CDK12: variants seen among roughly 807,000 people sequenced by gnomAD.
The protein encoded by CDK12 is cyclin dependent kinase 12, also known as cyclin-dependent kinase 12.
A neutral mutation model predicts 133.8 loss-of-function variants in CDK12; 17 were observed. The observed-to-expected ratio is 0.13, with a 90% confidence interval of 0.09 to 0.19. The LOEUF (loss-of-function observed/expected upper bound fraction) is 0.19, where lower values mean the gene tolerates loss of function less well. Ranked by LOEUF, CDK12 falls within the 10% of genes least tolerant of loss-of-function variation. CDK12 has a pLI of 1.00. For synonymous variants in CDK12, 694 were observed against 683.6 expected (o/e 1.02, Z -0.24); for missense variants, 1,508 against 1,818.7 (o/e 0.83, Z 3.11).
rs543840788 is a variant in CDK12 at position 39,462,317 on chromosome 17, C to T, written c.246C>T (p.Thr82=). The change falls in exon 1 of 14, where the codon ACC becomes ACT. Residue 82 remains threonine, a synonymous_variant. Transcript: ENST00000447079. ...ATGATATCAGCTCTGATTCCGACACCTTCTCCGATGACATGGCCTTCAAAC... is the reference window on the plus strand; with the variant it reads ...ATGATATCAGCTCTGATTCCGACACTTTCTCCGATGACATGGCCTTCAAAC... ...EYDDISSDSD[T]FSDDMAFKLD... is the part of the protein sequence containing the mutation. 6.8e-6 allele frequency: 11 copies of T among 1,614,172 alleles called. No homozygotes were observed. The highest frequency in any genetic ancestry group is 2.2e-5 in the East Asian group (1 of 44,864).
At chr17:39,488,759 T>G (rs2051334178) in intron 2 of CDK12, among the ~76,000 whole-genome samples, 1 of 152,136 alleles carries the variant, frequency 6.6e-6, no homozygotes, top group South Asian at 2.1e-4. Flanking sequence ...TTTTAAATTT[T>G]TTATTTTTCG....
intron 3 of CDK12, among the ~76,000 whole-genome samples, chr17:39,562,084 C>T (rs1427194637): frequency 2.6e-5 from 4 of 152,116 alleles, no homozygotes; most frequent in East Asian, 3.9e-4. Context: ...GGATTACAGG[C>T]GCGCACCTCC....
At chr17:39,465,284 A>C (rs2049220806) in intron 1 of CDK12, among the ~76,000 whole-genome samples, 1 of 146,772 alleles carries the variant, frequency 6.8e-6, no homozygotes, top group African/African-American at 2.5e-5. Flanking sequence ...TGTATTTTGT[A>C]ATCTATCTAC....
chr17:39,501,233 T>G lies in CDK12; in HGVS notation c.2420-17T>G, dbSNP rs2052702165. On this transcript the variant is annotated splice_polypyrimidine_tract_variant and intron_variant, in intron 5 of 13. Coordinates refer to ENST00000447079, the MANE Select transcript of CDK12 (RefSeq NM_016507.4). ...TTTTTTTTTTCTTGCTTTTAATTTT[T>G]TTTCGTCTTTATGTAGGTGCCTTTT... The G allele has an allele frequency of 6.7e-7, 1 of 1,498,926 alleles. No homozygotes were observed. Among genetic ancestry groups the G allele is most frequent in the Non-Finnish European group, 8.9e-7 (1 of 1,122,026 alleles). 92.9% of individuals were successfully genotyped at this position (1,498,926 alleles called of 1,614,324 possible). A position where few individuals can be genotyped will look rare whatever the true frequency, so the allele number is the denominator to read the frequency against.
intron 9 of CDK12, 32 bp from the exon 10 acceptor site, chr17:39,517,408 C>T (rs754993457): frequency 4.1e-6 from 5 of 1,234,356 alleles, no homozygotes; most frequent in Middle Eastern, 1.9e-4. Flanking sequence ...GACTCACTCA[C>T]TCCATTGTTC....
At chr17:39,564,397 G>A (rs2056501039) in intron 3 of CDK12, among the ~76,000 whole-genome samples, 1 of 152,176 alleles carries the variant, frequency 6.6e-6, no homozygotes, top group Non-Finnish European at 1.5e-5. Flanking sequence ...CTCCTGGCAG[G>A]AATGGAGGAG....
At chr17:39,550,294 G>T (rs984086641) in exon 1 of CDK12, 2 of 152,200 alleles carry the variant, frequency 1.3e-5, no homozygotes, top group Non-Finnish European at 2.9e-5. Context: ...GCCACTTTGC[G>T]TTCTGGCATG....
At position 39,515,724 on chromosome 17, in the gene CDK12, T is replaced by A. The variant is rs746120313; in HGVS notation, c.2769-7T>A. The A allele has an allele frequency of 2.5e-6, 4 of 1,601,006 alleles. No homozygotes were observed. The African/African-American group carries it at 4.0e-5, about 16-fold the overall frequency. ...CTCTTCTGACCTCTCAATTTTACCT[T>A]TTCTAGATGTATTCTTGGGGAACTA... On this transcript the variant is annotated splice_region_variant and splice_polypyrimidine_tract_variant and intron_variant, in intron 8 of 13. Coordinates refer to ENST00000447079, the MANE Select transcript of CDK12 (RefSeq NM_016507.4).
Position 39,471,109 on chromosome 17 carries a change from T to A in CDK12, c.1277T>A (p.Phe426Tyr), listed in dbSNP as rs779048492. ...AAGGAGTCCAAGGGTTCACCTGTAT[T>A]TTTGCCTAGAAAAGAGAACAGTTCA... ...DGKESKGSPV[F>Y]LPRKENSSVE... Residue 426 changes from phenylalanine (F) to tyrosine (Y), a missense_variant, in exon 2 of 14, where the codon TTT (phenylalanine) becomes TAT (tyrosine). Transcript: ENST00000447079. The A allele has an allele frequency of 4.4e-6, 7 of 1,608,758 alleles. No individual in the cohort carries two copies. The East Asian group carries it at 1.6e-4, about 36-fold the overall frequency.
At chr17:39,495,934 CAG>C (rs2052073088) in intron 5 of CDK12, among the ~76,000 whole-genome samples, 1 of 151,662 alleles carries the variant, frequency 6.6e-6, no homozygotes, top group South Asian at 2.1e-4. Flanking sequence ...TTTTTTGAGA[CAG>C]AGTCTTACTC....
intron 5 of CDK12, among the ~76,000 whole-genome samples, chr17:39,498,951 CT>C (rs1207516772): frequency 0.015 from 1 of 66 alleles, no homozygotes; most frequent in African/African-American, 0.12. Context: ...TTCTTTCTTT[CT>C]TTCTTTCTTT....
At chr17:39,543,129 T>G (rs943563249), upstream of CDK12, among the ~76,000 whole-genome samples, 2 of 152,186 alleles carry the variant, frequency 1.3e-5, no homozygotes, top group African/African-American at 4.8e-5. Context: ...GAATGATAGA[T>G]GAGATGATAG....
At chr17:39,525,434 T>C (rs118005313) in intron 12 of CDK12, among the ~76,000 whole-genome samples, 1 of 152,240 alleles carries the variant, frequency 6.6e-6, no homozygotes, top group East Asian at 1.9e-4. Context: ...TCTTCACTTA[T>C]AGCAGTGGCT....
downstream of CDK12, chr17:39,567,290 C>T (rs933602859): frequency 5.3e-5 from 8 of 152,344 alleles, no homozygotes; most frequent in East Asian, 1.5e-3. Context: ...TCATTCTCAA[C>T]TCCTTAGACT....
chr17:39,481,728 C>CTT (rs200114122), intron 2 of CDK12, among the ~76,000 whole-genome samples: 4 of 78,150 alleles, frequency 5.1e-5, no homozygotes, highest in African/African-American at 2.5e-4. Context: ...TTTCTTTTTT[C>CTT]TTTTTTTTTT....
chr17:39,566,406 A>G (rs560363109), downstream of CDK12, among the ~76,000 whole-genome samples: 2 of 152,270 alleles, frequency 1.3e-5, no homozygotes, highest in South Asian at 2.1e-4. Flanking sequence ...AGAGTCGTGC[A>G]GTGTTGTCCC....
At chr17:39,557,996 C>A (rs975359661) in intron 3 of CDK12, among the ~76,000 whole-genome samples, 1 of 152,170 alleles carries the variant, frequency 6.6e-6, no homozygotes, top group African/African-American at 2.4e-5. Flanking sequence ...TGTAAAGCAC[C>A]TACAACAGTG....
At chr17:39,500,237 G>A (rs868183501) in intron 5 of CDK12, among the ~76,000 whole-genome samples, 2 of 151,978 alleles carry the variant, frequency 1.3e-5, no homozygotes, top group African/African-American at 4.8e-5. Context: ...AGGCTGAGGC[G>A]GAAGATTCGC....
rs570027200 is a variant in CDK12 at position 39,490,752 on chromosome 17, C to G, written c.2108+19C>G. 6.4e-7 allele frequency: 1 copy of G among 1,571,256 alleles called. No individual in the cohort carries two copies. Among genetic ancestry groups the G allele is most frequent in the Admixed American group, 1.8e-5 (1 of 56,460 alleles). On this transcript the variant is annotated intron_variant, in intron 3 of 13. Transcript: ENST00000447079. ...GACCAAAGTGAGTTTTTGGAGGAAT[C>G]TGTCTTTCATGATAGTTTTCTCCCT...
Sources: gnomAD v4.1 joint callset for allele counts (sites outside exome capture counted in the v4.1 genomes callset) on GRCh38, gnomAD v4.1.1 for gene constraint, MANE v1.5 for transcripts, NCBI Gene and HGNC (gene_info 2026-07-23, HGNC 2026-07-21) for gene names.